Variants in LONRF2 observed in about 807,000 individuals in gnomAD.
LONRF2 encodes LON peptidase N-terminal domain and RING finger protein 2.
Under a neutral mutation model 66.6 loss-of-function variants are expected in LONRF2, and 35 were observed. The ratio of observed to expected loss-of-function variants is 0.53; its 90% CI spans 0.40 to 0.70. The LOEUF is 0.70. Among genes scored for constraint, LONRF2 ranks in the 30% least tolerant of loss-of-function variants. The pLI, the probability that LONRF2 is intolerant of heterozygous loss-of-function variation, is 0.00. For synonymous variants in LONRF2, 417 were observed against 418.1 expected (o/e 1.00, Z 0.03); for missense variants, 902 against 1,002.1 (o/e 0.90, Z 1.35).
At chr2:100,300,913 T>A (rs1675173581) in intron 3 of LONRF2, 126 bp from the exon 4 acceptor site, 1 of 721,384 alleles carries the variant, frequency 1.4e-6, no homozygotes. Flanking sequence ...AAGAATAATT[T>A]TAACTGCCAA....
chr2:100,307,602 G>T (rs1206528095), intron 2 of LONRF2, among the ~76,000 whole-genome samples: 1 of 152,156 alleles, frequency 6.6e-6, no homozygotes, highest in Non-Finnish European at 1.5e-5. Context: ...AGGAATTGGG[G>T]CGACGTCAGC....
intron 2 of LONRF2, among the ~76,000 whole-genome samples, chr2:100,306,223 A>G (rs1675288816): frequency 6.7e-6 from 1 of 149,774 alleles, no homozygotes; most frequent in African/African-American, 2.5e-5. Context: ...CAGGAAAAGT[A>G]CAAAATTAAG....
At chr2:100,294,735 A>G (rs1164348709) in intron 8 of LONRF2, among the ~76,000 whole-genome samples, 1 of 152,218 alleles carries the variant, frequency 6.6e-6, no homozygotes, top group East Asian at 1.9e-4. Context: ...TGGAAGAGTG[A>G]TAAGATCGCT....
At chr2:100,309,609 A>T (rs945060312) in intron 1 of LONRF2, 1 of 153,164 alleles carries the variant, frequency 6.5e-6, no homozygotes, top group Non-Finnish European at 1.5e-5. Flanking sequence ...AGAGATTTAA[A>T]ATAATTTTTA....
rs542072676 is a variant in LONRF2, at chr2:100,300,261, T to A, written c.1066-343A>T. Among the ~76,000 whole-genome samples the A allele has an allele frequency of 1.7e-3, 259 of 151,734 alleles. 3 individuals are homozygous for A. The highest frequency in any genetic ancestry group is 5.9e-3 in the African/African-American group (244 of 41,366). ...ATCATCCCTTTGCTTTATTTTTTTT[T>A]AAATTACACTTTAAGTTCTAGGGTA... On this transcript the variant is annotated intron_variant, in intron 4 of 11. Coordinates refer to ENST00000393437, the MANE Select transcript of LONRF2 (RefSeq NM_198461.4).
At chr2:100,291,202 T>C (rs2105718019) in intron 9 of LONRF2, among the ~76,000 whole-genome samples, 1 of 151,922 alleles carries the variant, frequency 6.6e-6, no homozygotes, top group East Asian at 2.0e-4. Context: ...AAATTGCCAA[T>C]GACCTTGTGT....
At chr2:100,301,732 T>C (rs192228216) in intron 3 of LONRF2, among the ~76,000 whole-genome samples, 101 of 152,360 alleles carry the variant, frequency 6.6e-4, no homozygotes, top group African/African-American at 2.4e-3. Flanking sequence ...TAAACCCTGG[T>C]CCAGGAACCT....
Position 100,321,965 on chromosome 2 carries a change from G to A in LONRF2, c.129C>T (p.Ala43=). The A allele has an allele frequency of 6.8e-7, 1 of 1,468,116 alleles. No individual in the cohort carries two copies. 90.9% of individuals were successfully genotyped at this position (1,468,116 alleles called of 1,614,324 possible). ...CGGCTAGCATGGAGCGAAAGAGCTC[G>A]GCTGCCATCTCGTAGTCGCCCGCGC... is the stretch of plus-strand genomic sequence containing the variant. The part of the protein sequence containing the change: ...AFRAGDYEMA[A]ELFRSMLAGL... The change falls in exon 1 of 12, where the codon GCC becomes GCT. Residue 43 remains alanine (A), a synonymous_variant. Transcript: ENST00000393437.
intron 4 of LONRF2, 71 bp from the exon 5 acceptor site, chr2:100,299,989 A>T: frequency 1.6e-6 from 1 of 644,542 alleles, no homozygotes; most frequent in East Asian, 5.2e-5. Context: ...AGAATGCAGA[A>T]GCCTGTACTA....
intron 4 of LONRF2, 51 bp downstream of exon 4, chr2:100,300,593 A>G: frequency 3.9e-6 from 6 of 1,534,540 alleles, no homozygotes; most frequent in Non-Finnish European, 5.3e-6. Context: ...AAATGAAGCC[A>G]TTATGTAAAG....
At chr2:100,318,263 C>T (rs1180882727) in intron 1 of LONRF2, among the ~76,000 whole-genome samples, 1 of 152,214 alleles carries the variant, frequency 6.6e-6, no homozygotes, top group Non-Finnish European at 1.5e-5. Context: ...CAACTTCAGA[C>T]ATTGTATTTT....
rs373085544 is a variant in LONRF2, at chr2:100,284,292, G to T, written c.*6C>A. Reference sequence around the variant, plus strand: ...GGGCTGCCAGAAACCTTGACAGAGAGAAAAATCAATTATTTCTCTCCCTGG... The same window carrying T: ...GGGCTGCCAGAAACCTTGACAGAGATAAAAATCAATTATTTCTCTCCCTGG... On this transcript the variant is annotated 3_prime_UTR_variant, in exon 12 of 12. Coordinates refer to ENST00000393437, the MANE Select transcript of LONRF2 (RefSeq NM_198461.4). The T allele has an allele frequency of 4.6e-5, 70 of 1,508,532 alleles. No individual in the cohort carries two copies. Among genetic ancestry groups the T allele is most frequent in the Non-Finnish European group, 6.1e-5 (68 of 1,121,412 alleles). 93.4% of individuals were successfully genotyped at this position (1,508,532 alleles called of 1,614,324 possible). A position where few individuals can be genotyped will look rare whatever the true frequency, so the allele number is the denominator to read the frequency against.
intron 10 of LONRF2, among the ~76,000 whole-genome samples, chr2:100,288,282 G>C (rs1460054852): frequency 6.6e-6 from 1 of 152,158 alleles, no homozygotes; most frequent in African/African-American, 2.4e-5. Context: ...ACAGCAGCTG[G>C]AGGAGGCACA....
chr2:100,298,691 A>C, intron 7 of LONRF2, 145 bp downstream of exon 7: 1 of 599,478 alleles, frequency 1.7e-6, no homozygotes, highest in South Asian at 2.5e-5. Context: ...TGATTCATCA[A>C]AGAGATGAGA....
At chr2:100,303,173 C>A in intron 2 of LONRF2, 130 bp from the exon 3 acceptor site, 2 of 963,492 alleles carry the variant, frequency 2.1e-6, no homozygotes, top group Non-Finnish European at 2.9e-6. Flanking sequence ...TAAACAAAGC[C>A]CATCAAAGGA....
rs147942766 is a variant in LONRF2 at position 100,297,458 on chromosome 2, C to T, written c.1476+1378G>A. The stretch of plus-strand genomic sequence containing the variant: ...GGCCAAGCAGCTTCTATTCTAGTGA[C>T]GACCTCCAGCTATCACTTCTTCACT... On this transcript the variant is annotated intron_variant, in intron 7 of 11. Transcript: ENST00000393437. 2.2e-3 allele frequency among the ~76,000 whole-genome samples: 342 copies of T among 152,268 alleles called. 3 individuals carry two copies. Among genetic ancestry groups the T allele is most frequent in the African/African-American group, 7.8e-3 (324 of 41,556 alleles).
chr2:100,299,796 G>T lies in LONRF2; in HGVS notation c.1188C>A (p.Ser396Arg). The stretch of plus-strand genomic sequence containing the variant: ...CCGGAAACTGTCTCTTTAAGCCAGC[G>T]CTGGGTGCTGTTGGAAGGATGCTTT... ...ALESILPTAP[S>R]AGLKRQFPDD... is the part of the protein sequence containing the mutation. The change falls in exon 5 of 12, where the codon AGC becomes AGA. Residue 396 changes from serine to arginine, a missense_variant. Physicochemically the swap from Ser to Arg is moderately radical, Grantham distance 110. Transcript: ENST00000393437. The T allele has an allele frequency of 6.2e-7, 1 of 1,613,992 alleles. No homozygotes were observed. The highest frequency in any genetic ancestry group is 1.1e-5 in the South Asian group (1 of 91,072).
At chr2:100,305,515 T>C (rs947566500) in intron 2 of LONRF2, among the ~76,000 whole-genome samples, 1 of 152,180 alleles carries the variant, frequency 6.6e-6, no homozygotes, top group Non-Finnish European at 1.5e-5. Flanking sequence ...TCTCTCTCCA[T>C]TGTTTGAAAT....
Position 100,271,923 on chromosome 2 carries a change from A to C in LONRF2, c.*12375T>G, listed in dbSNP as rs897533723. ...TTTATTTCCAACAATGTCCGTCATC[A>C]CAGAAAGTTTCATCCAACAGTGCTG... On this transcript the variant is annotated 3_prime_UTR_variant, in exon 12 of 12. Transcript: ENST00000393437. 1.4e-4 allele frequency among the ~76,000 whole-genome samples: 21 copies of C among 152,206 alleles called. No homozygotes were observed. The highest frequency in any genetic ancestry group is 4.6e-4 in the African/African-American group (19 of 41,454).
Sources: allele counts gnomAD v4.1 joint callset (sites outside exome capture counted in the v4.1 genomes callset), GRCh38; gene constraint gnomAD v4.1.1; transcripts MANE v1.5; gene names NCBI Gene and HGNC (gene_info 2026-07-23, HGNC 2026-07-21).